CNGB3: variants seen among roughly 807,000 people sequenced by gnomAD.
The protein encoded by CNGB3 is cyclic nucleotide-gated channel beta-3.
A neutral mutation model predicts 92.8 loss-of-function variants in CNGB3; 86 were observed. The ratio of observed to expected loss-of-function variants is 0.93; its 90% CI spans 0.78 to 1.11. CNGB3 has a LOEUF of 1.11. CNGB3 is among the 50% of genes least tolerant of loss of function. The pLI, the probability that CNGB3 is intolerant of heterozygous loss-of-function variation, is 0.00. For missense variants in CNGB3, 1,026 were observed against 956.8 expected (o/e 1.07, Z -0.95); for synonymous variants, 333 against 332.7 (o/e 1.00, Z -0.01).
intron 15 of CNGB3, among the ~76,000 whole-genome samples, chr8:86,594,809 A>C (rs1183642859): frequency 6.6e-6 from 1 of 152,166 alleles, no homozygotes; most frequent in Non-Finnish European, 1.5e-5. Context: ...CCCTGGTTTA[A>C]GCGATTCTCC....
chr8:86,596,264 A>G (rs1563720591), intron 15 of CNGB3, among the ~76,000 whole-genome samples: 1 of 152,228 alleles, frequency 6.6e-6, no homozygotes, highest in Non-Finnish European at 1.5e-5. Context: ...GAAGAAAAAT[A>G]GCTATACATT....
chr8:86,575,835 G>T lies in CNGB3; in HGVS notation c.2399C>A (p.Thr800Asn). The change falls in exon 18 of 18, where the codon ACT becomes AAT. Residue 800 changes from threonine (T) to asparagine (N), a missense_variant. By Grantham distance (65) the Thr-to-Asn change is moderately conservative. Transcript: ENST00000320005. Reference protein sequence around the residue: ...PSAEGGEEVLTIEVKEKAKQ With the variant: ...PSAEGGEEVLNIEVKEKAKQ ...CTTAGCCTTTTCTTTGACTTCAATA[G>T]TAAGAACCTCTTCTCCGCCCTCAGC... 6.2e-7 allele frequency: 1 copy of T among 1,613,728 alleles called. No individual in the cohort carries two copies. Among genetic ancestry groups the T allele is most frequent in the Non-Finnish European group, 8.5e-7 (1 of 1,179,880 alleles).
At chr8:86,643,910 T>C (rs1333483518) in intron 9 of CNGB3, 37 bp from the exon 10 acceptor site, 3 of 1,593,838 alleles carry the variant, frequency 1.9e-6, no homozygotes, top group East Asian at 4.5e-5. Flanking sequence ...AGATTCATGT[T>C]GTTTCTGAAA....
intron 13 of CNGB3, among the ~76,000 whole-genome samples, chr8:86,623,367 T>A (rs1313060452): frequency 6.6e-6 from 1 of 152,184 alleles, no homozygotes; most frequent in Non-Finnish European, 1.5e-5. Flanking sequence ...AGAAATTTAT[T>A]TCTCACAGTT....
At chr8:86,649,268 C>G (rs1482313593) in intron 7 of CNGB3, among the ~76,000 whole-genome samples, 1 of 151,486 alleles carries the variant, frequency 6.6e-6, no homozygotes, top group African/African-American at 2.4e-5. Flanking sequence ...AGATCCAATG[C>G]AATTCCCATC....
intron 3 of CNGB3, among the ~76,000 whole-genome samples, chr8:86,695,960 G>C (rs1052394142): frequency 3.9e-5 from 6 of 152,226 alleles, no homozygotes; most frequent in Admixed American, 3.9e-4. Context: ...TGCCAGGCTG[G>C]TGCTGAGGAA....
intron 3 of CNGB3, among the ~76,000 whole-genome samples, chr8:86,682,128 G>A (rs1226217378): frequency 6.6e-6 from 1 of 152,158 alleles, no homozygotes; most frequent in Non-Finnish European, 1.5e-5. Context: ...GGCTAAAGTA[G>A]ATCTGCTGAC....
chr8:86,677,331 A>T (rs767153119), intron 3 of CNGB3, among the ~76,000 whole-genome samples: 1 of 152,244 alleles, frequency 6.6e-6, no homozygotes, highest in Non-Finnish European at 1.5e-5. Context: ...TGGAAGCATA[A>T]GTTGTAAGAG....
At chr8:86,632,513 C>T (rs67858232) in intron 11 of CNGB3, among the ~76,000 whole-genome samples, 12,093 of 152,174 alleles carry the variant, frequency 0.079, 537 homozygotes, top group African/African-American at 0.11. Context: ...AAACAACTTT[C>T]TCTGAGAGTT....
chr8:86,675,418 A>T (rs549842022), intron 3 of CNGB3, among the ~76,000 whole-genome samples: 1 of 152,198 alleles, frequency 6.6e-6, no homozygotes, highest in South Asian at 2.1e-4. Context: ...CATATTGGAT[A>T]GTTGTCTTCC....
At chr8:86,626,166 T>C in intron 12 of CNGB3, 86 bp from the exon 13 acceptor site, 4 of 993,118 alleles carry the variant, frequency 4.0e-6, no homozygotes, top group Non-Finnish European at 6.3e-6. Flanking sequence ...ATTTTTAAAA[T>C]AAAGGAAACA....
At chr8:86,643,662 C>T (rs1823234537) in intron 10 of CNGB3, 89 bp downstream of exon 10, 1 of 1,446,504 alleles carries the variant, frequency 6.9e-7, no homozygotes, top group Admixed American at 1.7e-5. Flanking sequence ...GTTATGACAG[C>T]TTCAAAAACA....
Position 86,718,208 on chromosome 8 carries a change from A to G in CNGB3, c.338+8323T>C, listed in dbSNP as rs1456482894. 2.6e-5 allele frequency among the ~76,000 whole-genome samples: 4 copies of G among 152,170 alleles called. No homozygotes were observed. In the East Asian group the frequency reaches 5.8e-4, roughly 22 times the overall value. On this transcript the variant is annotated intron_variant, in intron 3 of 17. Coordinates refer to ENST00000320005, the MANE Select transcript of CNGB3 (RefSeq NM_019098.5). ...ACCTGAAACAAACAAACAAAAAAAT[A>G]CAAAAGAGATGACACAAAAAACCGT... is the stretch of plus-strand genomic sequence containing the variant.
intron 8 of CNGB3, 29 bp from the exon 9 acceptor site, chr8:86,644,715 A>G (rs1823265036): frequency 7.0e-7 from 1 of 1,418,524 alleles, no homozygotes; most frequent in Non-Finnish European, 9.5e-7. Flanking sequence ...GAAATCCAAA[A>G]GCATGTTAGT....
intron 12 of CNGB3, 129 bp from the exon 13 acceptor site, chr8:86,626,209 C>A (rs1419489985): frequency 8.5e-6 from 6 of 708,092 alleles, no homozygotes; most frequent in Non-Finnish European, 1.3e-5. Flanking sequence ...TAATTAGATG[C>A]ATCAGATTCT....
chr8:86,703,246 CTT>C (rs10577766), intron 3 of CNGB3, among the ~76,000 whole-genome samples: 16,141 of 152,066 alleles, frequency 0.11, 859 homozygotes, highest in East Asian at 0.13. Flanking sequence ...ACATGGGACT[CTT>C]TATTTATCGC....
At chr8:86,594,072 G>C in intron 15 of CNGB3, 1 of 336,384 alleles carries the variant, frequency 3.0e-6, no homozygotes, top group Non-Finnish European at 5.9e-6. Context: ...CCAGTTTTGT[G>C]CTGTATCCAG....
At chr8:86,653,399 C>T (rs1585994523) in intron 7 of CNGB3, among the ~76,000 whole-genome samples, 1 of 151,834 alleles carries the variant, frequency 6.6e-6, no homozygotes, top group African/African-American at 2.4e-5. Context: ...AGACCTAAAC[C>T]CAGATTTGTA....
chr8:86,599,022 G>A (rs1009970211), intron 15 of CNGB3, among the ~76,000 whole-genome samples: 1 of 152,136 alleles, frequency 6.6e-6, no homozygotes, highest in Admixed American at 6.5e-5. Flanking sequence ...ACTGACCTGT[G>A]TGCACACATC....
Sources: allele counts gnomAD v4.1 joint callset (sites outside exome capture counted in the v4.1 genomes callset), GRCh38; gene constraint gnomAD v4.1.1; transcripts MANE v1.5; gene names NCBI Gene and HGNC (gene_info 2026-07-23, HGNC 2026-07-21).